Variants in PTPRO observed in about 807,000 individuals in gnomAD.
The protein encoded by PTPRO is protein tyrosine phosphatase receptor type O, also known as receptor-type tyrosine-protein phosphatase O.
PTPRO carries 62 observed loss-of-function variants against 145.2 expected under a neutral mutation model. That is an observed-to-expected ratio of 0.43 (90% confidence interval 0.35 to 0.53). PTPRO has a LOEUF of 0.53. Ranked by LOEUF, PTPRO falls within the 20% of genes least tolerant of loss-of-function variation. PTPRO has a pLI of 0.01. For missense variants in PTPRO, 1,345 were observed against 1,482.7 expected (o/e 0.91, Z 1.53); for synonymous variants, 565 against 514.7 (o/e 1.10, Z -1.32).
chr12:15,551,433 C>T, intron 14 of PTPRO, 118 bp from the exon 15 acceptor site: 1 of 1,296,410 alleles, frequency 7.7e-7, no homozygotes, highest in South Asian at 1.2e-5. Context: ...ATGATTGTTA[C>T]TATTATTGGT....
At chr12:15,326,454 C>T (rs1866449729) in intron 1 of PTPRO, among the ~76,000 whole-genome samples, 1 of 152,160 alleles carries the variant, frequency 6.6e-6, no homozygotes, top group Non-Finnish European at 1.5e-5. Context: ...TTGTGAGAGA[C>T]TATCGTTGTG....
intron 1 of PTPRO, among the ~76,000 whole-genome samples, chr12:15,353,175 C>T (rs913294229): frequency 3.4e-4 from 51 of 152,234 alleles, no homozygotes; most frequent in African/African-American, 1.2e-3. Flanking sequence ...TCCCCCTTAC[C>T]ACACATGAAA....
At chr12:15,340,253 C>T (rs1200333402) in intron 1 of PTPRO, among the ~76,000 whole-genome samples, 1 of 152,212 alleles carries the variant, frequency 6.6e-6, no homozygotes, top group Non-Finnish European at 1.5e-5. Flanking sequence ...GAACTCTACA[C>T]ACACTGTAAC....
intron 1 of PTPRO, among the ~76,000 whole-genome samples, chr12:15,480,702 G>T (rs1010092930): frequency 1.3e-5 from 2 of 152,278 alleles, no homozygotes; most frequent in South Asian, 4.1e-4. Flanking sequence ...TCTGCCCTCT[G>T]GCTATAAGCT....
At chr12:15,388,571 G>A (rs1939095772) in intron 1 of PTPRO, among the ~76,000 whole-genome samples, 1 of 152,254 alleles carries the variant, frequency 6.6e-6, no homozygotes, top group South Asian at 2.1e-4. Context: ...ATTGGAAAAA[G>A]TTCATGCATT....
intron 10 of PTPRO, among the ~76,000 whole-genome samples, chr12:15,521,637 CT>C (rs1489610301): frequency 2.0e-5 from 3 of 152,144 alleles, no homozygotes; most frequent in African/African-American, 7.2e-5. Flanking sequence ...TTCTGGGCTT[CT>C]ATTTTCTCAC....
chr12:15,502,894 T>G (rs976129355), intron 5 of PTPRO, among the ~76,000 whole-genome samples: 33 of 152,156 alleles, frequency 2.2e-4, no homozygotes, highest in African/African-American at 8.0e-4. Context: ...GAAGTTACAG[T>G]GATAGCCTTA....
chr12:15,371,783 T>C (rs1938538373), intron 1 of PTPRO, among the ~76,000 whole-genome samples: 1 of 152,120 alleles, frequency 6.6e-6, no homozygotes, highest in Non-Finnish European at 1.5e-5. Flanking sequence ...GGGGGTGGTT[T>C]CCCCCATGCT....
chr12:15,405,879 T>G (rs562022923), intron 1 of PTPRO, among the ~76,000 whole-genome samples: 8 of 152,240 alleles, frequency 5.3e-5, no homozygotes, highest in African/African-American at 1.9e-4. Flanking sequence ...GAGAAAGACA[T>G]GAGGTACAGT....
At chr12:15,436,774 C>A (rs1940606477) in intron 1 of PTPRO, among the ~76,000 whole-genome samples, 1 of 152,192 alleles carries the variant, frequency 6.6e-6, no homozygotes, top group African/African-American at 2.4e-5. Context: ...GAGATTGAAG[C>A]ATCTTATCTG....
At position 15,322,975 on chromosome 12, in the gene PTPRO, G is replaced by C. The variant is rs1041852349; in HGVS notation, c.75+174G>C. Among the ~76,000 whole-genome samples the C allele has an allele frequency of 3.3e-5, 5 of 152,356 alleles. No individual in the cohort carries two copies. The highest frequency in any genetic ancestry group is 2.6e-4 in the Admixed American group (4 of 15,308). On this transcript the variant is annotated intron_variant, in intron 1 of 26. Coordinates refer to ENST00000281171, the MANE Select transcript of PTPRO (RefSeq NM_030667.3). The surrounding 1 kb of genome is among the most constrained non-coding windows in gnomAD (Gnocchi z 6.3). ...GTTGTCCTCGCGTGTGCGTGTTCCT[G>C]GTGGTCTTGAGAGGTAGGGGGCGGG... is the stretch of plus-strand genomic sequence containing the variant.
intron 1 of PTPRO, chr12:15,346,571 G>T (rs917598111): frequency 6.6e-6 from 1 of 152,184 alleles, no homozygotes; most frequent in African/African-American, 2.4e-5. Flanking sequence ...CTTTCCTTGG[G>T]TGTGACTTTG....
At chr12:15,359,379 G>A (rs1260086858) in intron 1 of PTPRO, among the ~76,000 whole-genome samples, 1 of 145,790 alleles carries the variant, frequency 6.9e-6, no homozygotes, top group Non-Finnish European at 1.5e-5. Flanking sequence ...TATTATAAAG[G>A]TTTGTTTACT....
chr12:15,499,397 G>A (rs779734499), intron 3 of PTPRO, 45 bp from the exon 4 acceptor site: 123 of 1,579,544 alleles, frequency 7.8e-5, no homozygotes, highest in South Asian at 3.3e-4. Flanking sequence ...AGTGTGTGAT[G>A]TTTAGAAGAC....
intron 1 of PTPRO, among the ~76,000 whole-genome samples, chr12:15,395,526 T>A (rs1939312176): frequency 6.6e-6 from 1 of 152,016 alleles, no homozygotes; most frequent in Admixed American, 6.6e-5. Context: ...AAAAAAAAAA[T>A]CTTCCTATAG....
At chr12:15,513,221 GAAA>G (rs1942503165) in intron 7 of PTPRO, among the ~76,000 whole-genome samples, 1 of 112,546 alleles carries the variant, frequency 8.9e-6, no homozygotes, top group Non-Finnish European at 1.8e-5. Context: ...AAGAAAGAAA[GAAA>G]GAAAAGAAAG....
At chr12:15,478,577 G>A (rs1245909815) in intron 1 of PTPRO, among the ~76,000 whole-genome samples, 4 of 152,214 alleles carry the variant, frequency 2.6e-5, no homozygotes, top group Non-Finnish European at 5.9e-5. Context: ...AGAAGAAGCA[G>A]TTAGAGAGTT....
In PTPRO at chr12:15,502,076, G is replaced by A; in HGVS notation, c.1105+13G>A. The A allele has an allele frequency of 6.3e-7, 1 of 1,584,908 alleles. No individual in the cohort carries two copies. Among genetic ancestry groups the A allele is most frequent in the Non-Finnish European group, 8.7e-7 (1 of 1,153,560 alleles). ...ATTGAACGAGAAGGTAAAGCAGTAGGAAATCAGAGGAAATAAGAACTGATA... is the reference window on the plus strand; with the variant it reads ...ATTGAACGAGAAGGTAAAGCAGTAGAAAATCAGAGGAAATAAGAACTGATA... On this transcript the variant is annotated intron_variant, in intron 5 of 26. Coordinates refer to ENST00000281171, the MANE Select transcript of PTPRO (RefSeq NM_030667.3).
intron 17 of PTPRO, among the ~76,000 whole-genome samples, chr12:15,564,980 G>C (rs947814667): frequency 2.6e-5 from 4 of 152,088 alleles, no homozygotes; most frequent in African/African-American, 9.7e-5. Context: ...CATTTCCTGT[G>C]TTTGAGCTTA....
Sources: gnomAD v4.1 joint callset for allele counts (sites outside exome capture counted in the v4.1 genomes callset) on GRCh38, gnomAD v4.1.1 for gene constraint, Gnocchi (gnomAD v3.1) non-coding constraint, MANE v1.5 for transcripts, NCBI Gene and HGNC (gene_info 2026-07-23, HGNC 2026-07-21) for gene names.